The following FYB1 variants were observed in gnomAD, a reference collection of about 807,000 sequenced individuals.
The protein encoded by FYB1 is FYN binding protein 1, also known as FYN-binding protein 1.
Under a neutral mutation model 94.1 loss-of-function variants are expected in FYB1, and 41 were observed. The observed-to-expected ratio is 0.44, with a 90% CI of 0.34 to 0.57. FYB1 has a LOEUF of 0.57. Ranked by LOEUF, FYB1 falls within the 20% of genes least tolerant of loss-of-function variation. The pLI, the probability that FYB1 is intolerant of heterozygous loss-of-function variation, is 0.02. For synonymous variants in FYB1, 367 were observed against 353.2 expected (o/e 1.04, Z -0.44); for missense variants, 1,050 against 976.8 (o/e 1.07, Z -1.00).
intron 1 of FYB1, among the ~76,000 whole-genome samples, chr5:39,215,358 T>G (rs1224141025): frequency 1.3e-5 from 2 of 152,262 alleles, no homozygotes; most frequent in Non-Finnish European, 2.9e-5. Flanking sequence ...GACTACTTTT[T>G]TTTTGACTGA....
intron 3 of FYB1, among the ~76,000 whole-genome samples, chr5:39,141,817 AGCTAAGATC>A (rs906758621): frequency 1.3e-5 from 2 of 151,720 alleles, no homozygotes; most frequent in Non-Finnish European, 2.9e-5. Context: ...GGTTGCAGTG[AGCTAAGATC>A]GCACCACTGC....
intron 1 of FYB1, among the ~76,000 whole-genome samples, chr5:39,268,636 G>A (rs866238694): frequency 6.6e-5 from 10 of 151,730 alleles, no homozygotes; most frequent in South Asian, 4.2e-4. Flanking sequence ...GCGCGATCTC[G>A]GCCCACTGCA....
intron 2 of FYB1, among the ~76,000 whole-genome samples, chr5:39,173,185 C>T (rs185012355): frequency 2.6e-5 from 4 of 152,218 alleles, no homozygotes; most frequent in East Asian, 1.9e-4. Flanking sequence ...TTTTGATTTG[C>T]ATTTCTTTGA....
rs752902614 is a variant in FYB1, at chr5:39,134,879, A to G, written c.1651T>C (p.Leu551=). 1.5e-5 allele frequency: 25 copies of G among 1,613,750 alleles called. No individual in the cohort carries two copies. The highest frequency in any genetic ancestry group is 2.0e-5 in the Non-Finnish European group (24 of 1,179,866). Residue 551 remains leucine, a synonymous_variant, in exon 8 of 19, where the codon TTG becomes CTG. Transcript: ENST00000512982. ...RITDNPEGKW[L]GRTARGSYGY... is the part of the protein sequence containing the mutation. ...CATGAACCCCTTGCTGTTCTGCCCA[A>G]CCATTTTCCTTCTGGGTTGTCTGTG... is the stretch of plus-strand genomic sequence containing the variant.
chr5:39,132,848 A>T (rs1489372367), intron 9 of FYB1, among the ~76,000 whole-genome samples: 1 of 152,240 alleles, frequency 6.6e-6, no homozygotes, highest in African/African-American at 2.4e-5. Context: ...TGCTTGACAT[A>T]GTCATGAAAA....
At chr5:39,259,121 T>C (rs1752106485) in intron 1 of FYB1, among the ~76,000 whole-genome samples, 1 of 152,116 alleles carries the variant, frequency 6.6e-6, no homozygotes, top group Non-Finnish European at 1.5e-5. Context: ...ATGCTTTGAG[T>C]TGTCACATGG....
At chr5:39,129,728 T>C (rs1741015045) in intron 10 of FYB1, among the ~76,000 whole-genome samples, 1 of 151,876 alleles carries the variant, frequency 6.6e-6, no homozygotes, top group Admixed American at 6.6e-5. Flanking sequence ...TCACTAATCA[T>C]CTTACCCCAG....
intron 2 of FYB1, among the ~76,000 whole-genome samples, chr5:39,195,665 G>A (rs562835545): frequency 4.9e-4 from 74 of 152,234 alleles, no homozygotes; most frequent in African/African-American, 1.7e-3. Flanking sequence ...ATCAGTCTTG[G>A]TCTCTCAGCA....
intron 2 of FYB1, among the ~76,000 whole-genome samples, chr5:39,183,216 C>T (rs938258969): frequency 6.6e-6 from 1 of 152,232 alleles, no homozygotes; most frequent in Admixed American, 6.5e-5. Flanking sequence ...GAACTCCCAA[C>T]CTCAGGTGAT....
intron 1 of FYB1, among the ~76,000 whole-genome samples, chr5:39,208,130 TC>T (rs1406754779): frequency 6.6e-6 from 1 of 152,202 alleles, no homozygotes; most frequent in Non-Finnish European, 1.5e-5. Flanking sequence ...TTTGAAAGTC[TC>T]ATCTTTAGAA....
intron 16 of FYB1, among the ~76,000 whole-genome samples, chr5:39,117,289 C>T (rs1245585369): frequency 6.6e-6 from 1 of 152,100 alleles, no homozygotes; most frequent in Non-Finnish European, 1.5e-5. Context: ...AGAGATTCAT[C>T]ATATTACTAT....
At chr5:39,170,385 C>T in intron 2 of FYB1, 1 of 731,876 alleles carries the variant, frequency 1.4e-6, no homozygotes, top group Non-Finnish European at 2.1e-6. Flanking sequence ...GGGCCAGCTG[C>T]ACCGTGGTCT....
At chr5:39,170,221 T>C (rs1745124750) in intron 2 of FYB1, 1 of 875,450 alleles carries the variant, frequency 1.1e-6, no homozygotes, top group South Asian at 1.4e-5. Context: ...ATTTTTGCTA[T>C]ATATGATGTT....
At chr5:39,169,912 A>G (rs182993304) in intron 2 of FYB1, 10 of 617,446 alleles carry the variant, frequency 1.6e-5, no homozygotes, top group Middle Eastern at 2.8e-4. Context: ...TTTGATTTCC[A>G]CCCTCCCAGT....
At chr5:39,195,150 A>T (rs954684683) in intron 2 of FYB1, among the ~76,000 whole-genome samples, 7 of 151,904 alleles carry the variant, frequency 4.6e-5, no homozygotes, top group Non-Finnish European at 1.0e-4. Context: ...GCATCCCGGG[A>T]TCTCTTCTTT....
Position 39,236,591 on chromosome 5 carries a change from C to T in FYB1, c.-27-33604G>A, listed in dbSNP as rs532428711. On this transcript the variant is annotated intron_variant, in intron 1 of 1. Transcript: ENST00000510188. ...AGATTTTACAGTCAAAGGTTCTCAT[C>T]ATAGTTTAAAAGATGAAGACAAAGA... is the stretch of plus-strand genomic sequence containing the variant. Among the ~76,000 whole-genome samples the T allele has an allele frequency of 7.2e-5, 11 of 152,106 alleles. No homozygotes were observed. The South Asian group carries it at 2.3e-3, about 32-fold the overall frequency.
chr5:39,240,564 G>T (rs1027715474), intron 1 of FYB1, among the ~76,000 whole-genome samples: 3 of 152,112 alleles, frequency 2.0e-5, no homozygotes, highest in Non-Finnish European at 4.4e-5. Flanking sequence ...CAAAGCATAT[G>T]AAAAAATGCT....
chr5:39,178,912 T>C (rs1394056588), intron 2 of FYB1, among the ~76,000 whole-genome samples: 1 of 152,178 alleles, frequency 6.6e-6, no homozygotes, highest in Non-Finnish European at 1.5e-5. Flanking sequence ...GTCAAGCACA[T>C]AGAAAACTGG....
intron 3 of FYB1, among the ~76,000 whole-genome samples, chr5:39,146,882 G>T (rs997762914): frequency 1.3e-5 from 2 of 152,086 alleles, no homozygotes; most frequent in Non-Finnish European, 2.9e-5. Flanking sequence ...AGCAATGATG[G>T]TGAAGAATAA....
Sources: allele counts gnomAD v4.1 joint callset (sites outside exome capture counted in the v4.1 genomes callset), GRCh38; gene constraint gnomAD v4.1.1; transcripts MANE v1.5; gene names NCBI Gene and HGNC (gene_info 2026-07-23, HGNC 2026-07-21).